VARS2: variants seen among roughly 807,000 people sequenced by gnomAD.
VARS2 encodes the protein valine--tRNA ligase, mitochondrial.
A neutral mutation model predicts 154.1 loss-of-function variants in VARS2; 105 were observed. The observed-to-expected ratio is 0.68, with a 90% confidence interval of 0.58 to 0.80. VARS2 has a LOEUF of 0.80. Among genes scored for constraint, VARS2 ranks in the 30% least tolerant of loss-of-function variants. The pLI, the probability that VARS2 is intolerant of heterozygous loss-of-function variation, is 0.00. For missense variants in VARS2, 1,157 were observed against 1,361.4 expected (o/e 0.85, Z 2.36); for synonymous variants, 483 against 539.5 (o/e 0.90, Z 1.45).
rs950560073 is a variant in VARS2, at chr6:30,921,780, G to A, written c.1735+89G>A. On this transcript the variant is annotated intron_variant, in intron 18 of 29. Transcript: ENST00000676266. The surrounding 1 kb of genome is among the most constrained non-coding windows in gnomAD (Gnocchi z 4.6). ...GGGGAACAGATCCCAAGATACAGAA[G>A]GTAGGGTCAGGAAAGTTGGGAATGG... is the stretch of plus-strand genomic sequence containing the variant. The A allele has an allele frequency of 1.0e-5, 16 of 1,533,356 alleles. No homozygotes were observed. The highest frequency in any genetic ancestry group is 1.4e-5 in the Non-Finnish European group (16 of 1,128,492). 95.0% of individuals were successfully genotyped at this position (1,533,356 alleles called of 1,614,324 possible).
rs770118675 is a variant in VARS2 at position 30,917,008 on chromosome 6, G to C, written c.753+49G>C. The C allele has an allele frequency of 1.9e-6, 3 of 1,613,602 alleles. No homozygotes were observed. Among genetic ancestry groups the C allele is most frequent in the Non-Finnish European group, 2.5e-6 (3 of 1,179,552 alleles). On this transcript the variant is annotated intron_variant, in intron 8 of 29. Transcript: ENST00000676266. The surrounding 1 kb of genome is among the most constrained non-coding windows in gnomAD (Gnocchi z 4.4). ...CTGTGAGTGATGGGCGATGTTTAGG[G>C]ATCTGTGTGGGGCAGGGAGGAAGCA...
In VARS2 at chr6:30,915,647, AGTT is replaced by A. The variant is rs1481416236; in HGVS notation, c.385-98_385-96del. 4 of 1,557,748 alleles carry A rather than the reference AGTT, an allele frequency of 2.6e-6. No homozygotes were observed. In the African/African-American group the frequency reaches 5.4e-5, roughly 21 times the overall value. ...TCCACTCTCCTCTTATTTGCAGGAC[AGTT>A]CTTCCTTGAAGTTCTTTCTGTTCTG... On this transcript the variant is annotated intron_variant, in intron 4 of 29. Coordinates refer to ENST00000676266, the MANE Select transcript of VARS2 (RefSeq NM_020442.6).
At position 30,917,838 on chromosome 6, in the gene VARS2, T is replaced by C. The variant is rs182957702; in HGVS notation, c.985+32T>C. ...ATAGTACTCTGCAGGGTCACCCGTT[T>C]ACCTCCATTTTTCCTGTTTTCTGAA... On this transcript the variant is annotated intron_variant, in intron 10 of 29. Coordinates refer to ENST00000676266, the MANE Select transcript of VARS2 (RefSeq NM_020442.6). This position sits in a 1 kb window ranked among gnomAD's most constrained non-coding sequence, Gnocchi z 4.4. 193 of 1,547,246 alleles carry C rather than the reference T, an allele frequency of 1.2e-4. No individual in the cohort carries two copies. In the African/African-American group the frequency reaches 2.0e-3, roughly 16 times the overall value.
In VARS2 at chr6:30,923,105, G is replaced by A. The variant is rs763376185; in HGVS notation, c.2187G>A (p.Ala729=). Residue 729 remains alanine, a splice_region_variant and synonymous_variant, in exon 24 of 30, where the codon GCG becomes GCA. Transcript: ENST00000676266. ...RFTLCSHGVQ[A]GDLHLSVSEV... is the part of the protein sequence containing the mutation. ...ACTACCTCGATTCTTCCCTTCCAGCGGGCGACTTGCACCTGTCAGTCTCTG... is the reference window on the plus strand; with the variant it reads ...ACTACCTCGATTCTTCCCTTCCAGCAGGCGACTTGCACCTGTCAGTCTCTG... 1.8e-5 allele frequency: 29 copies of A among 1,612,898 alleles called. No individual in the cohort carries two copies. The highest frequency in any genetic ancestry group is 5.5e-5 in the South Asian group (5 of 91,092).
At position 30,917,046 on chromosome 6, in the gene VARS2, C is replaced by T; in HGVS notation, c.754-59C>T. Reference sequence around the variant, plus strand: ...CAGGGAGGAAGCAATGCCTGGGTCCCTGAGCAGGGTGATGGGCTGAGAAGT... The same window carrying T: ...CAGGGAGGAAGCAATGCCTGGGTCCTTGAGCAGGGTGATGGGCTGAGAAGT... On this transcript the variant is annotated intron_variant, in intron 8 of 29. Transcript: ENST00000676266. This position sits in a 1 kb window ranked among gnomAD's most constrained non-coding sequence, Gnocchi z 4.4. 1 of 1,613,858 alleles carries T rather than the reference C, an allele frequency of 6.2e-7. No homozygotes were observed. The highest frequency in any genetic ancestry group is 8.5e-7 in the Non-Finnish European group (1 of 1,179,800).
chr6:30,920,935 C>G lies in VARS2; in HGVS notation c.1480-130C>G. On this transcript the variant is annotated intron_variant, in intron 15 of 29. Transcript: ENST00000676266. This position sits in a 1 kb window ranked among gnomAD's most constrained non-coding sequence, Gnocchi z 4.6. ...GCTGGCTCATATCCTTACTCAAGCCCAGAATCTTGGCAAGAGGCTTGGGAG... is the reference window on the plus strand; with the variant it reads ...GCTGGCTCATATCCTTACTCAAGCCGAGAATCTTGGCAAGAGGCTTGGGAG... The G allele has an allele frequency of 1.7e-6, 2 of 1,208,914 alleles. No individual in the cohort carries two copies. Among genetic ancestry groups the G allele is most frequent in the South Asian group, 3.2e-5 (2 of 63,210 alleles). The allele number at this position is 1,208,914 out of a possible 1,614,324, so 74.9% of individuals were successfully genotyped here. A position where few individuals can be genotyped will look rare whatever the true frequency, so the allele number is the denominator to read the frequency against.
At position 30,916,752 on chromosome 6, in the gene VARS2, A is replaced by G; in HGVS notation, c.672-126A>G. ...TAAGTCCATTTCTATTAGCCTCTAGAGGCTAGATCAATGCCATCCTCACTT... is the reference window on the plus strand; with the variant it reads ...TAAGTCCATTTCTATTAGCCTCTAGGGGCTAGATCAATGCCATCCTCACTT... On this transcript the variant is annotated intron_variant, in intron 7 of 29. Transcript: ENST00000676266. The surrounding 1 kb of genome is among the most constrained non-coding windows in gnomAD (Gnocchi z 4.0). 1 of 892,734 alleles carries G rather than the reference A, an allele frequency of 1.1e-6. No homozygotes were observed. The highest frequency in any genetic ancestry group is 1.8e-6 in the Non-Finnish European group (1 of 546,046). The allele number at this position is 892,734 out of a possible 1,614,324, so 55.3% of individuals were successfully genotyped here. A position where few individuals can be genotyped will look rare whatever the true frequency, so the allele number is the denominator to read the frequency against.
chr6:30,920,590 G>A lies in VARS2; in HGVS notation c.1398-78G>A, dbSNP rs112627525. The A allele has an allele frequency of 3.5e-5, 48 of 1,376,094 alleles. No individual in the cohort carries two copies. In the Middle Eastern group the frequency reaches 7.4e-4, roughly 21 times the overall value. The allele number at this position is 1,376,094 out of a possible 1,614,324, so 85.2% of individuals were successfully genotyped here. On this transcript the variant is annotated intron_variant, in intron 14 of 29. Transcript: ENST00000676266. This position sits in a 1 kb window ranked among gnomAD's most constrained non-coding sequence, Gnocchi z 4.6. ...TTGTATCCTCAGTACCAAGGGCCTGGCATGGCATGGGGTCTTGTGCCCCTG... is the reference window on the plus strand; with the variant it reads ...TTGTATCCTCAGTACCAAGGGCCTGACATGGCATGGGGTCTTGTGCCCCTG...
chr6:30,917,853 T>A lies in VARS2; in HGVS notation c.985+47T>A. ...GTCACCCGTTTACCTCCATTTTTCC[T>A]GTTTTCTGAAGCCCATGTTGGGCTG... On this transcript the variant is annotated intron_variant, in intron 10 of 29. Coordinates refer to ENST00000676266, the MANE Select transcript of VARS2 (RefSeq NM_020442.6). This position sits in a 1 kb window ranked among gnomAD's most constrained non-coding sequence, Gnocchi z 4.4. 1.9e-6 allele frequency: 3 copies of A among 1,538,832 alleles called. No homozygotes were observed. Among genetic ancestry groups the A allele is most frequent in the Non-Finnish European group, 1.8e-6 (2 of 1,135,712 alleles).
Position 30,925,638 on chromosome 6 carries a change from G to C in VARS2, c.2880G>C (p.Leu960=), listed in dbSNP as rs1392377579. Residue 960 remains leucine (L), a synonymous_variant, in exon 28 of 30, where the codon CTG becomes CTC. Coordinates refer to ENST00000676266, the MANE Select transcript of VARS2 (RefSeq NM_020442.6). The part of the protein sequence containing the change: ...GTLGYCGAVG[L]LPPGAAAPSG... ...TGGGCTACTGTGGGGCTGTGGGCCT[G>C]TTACCCCCAGGCGCAGCAGCTCCCT... 1 of 1,611,106 alleles carries C rather than the reference G, an allele frequency of 6.2e-7. No individual in the cohort carries two copies.
Position 30,921,939 on chromosome 6 carries a change from G to T in VARS2, c.1750G>T (p.Asp584Tyr). 1 of 1,613,048 alleles carries T rather than the reference G, an allele frequency of 6.2e-7. No individual in the cohort carries two copies. Among genetic ancestry groups the T allele is most frequent in the South Asian group, 1.1e-5 (1 of 91,088 alleles). ...CTGTTTCCCAGATCCTGATGTCCTA[G>T]ACACATGGTTTTCTTCTGCCCTGTT... Reference protein sequence around the residue: ...LTLERDPDVLDTWFSSALFPF... With the variant: ...LTLERDPDVLYTWFSSALFPF... The change falls in exon 19 of 30, where the codon GAC becomes TAC. Residue 584 changes from aspartate (D) to tyrosine (Y), a missense_variant. By Grantham distance (160) the Asp-to-Tyr change is radical (BLOSUM62 -3). Coordinates refer to ENST00000676266, the MANE Select transcript of VARS2 (RefSeq NM_020442.6). The surrounding 1 kb of genome is among the most constrained non-coding windows in gnomAD (Gnocchi z 4.6).
rs762287075 is a variant in VARS2 at position 30,920,139 on chromosome 6, G to A, written c.1216G>A (p.Ala406Thr). 19 of 1,587,718 alleles carry A rather than the reference G, an allele frequency of 1.2e-5. No homozygotes were observed. Among genetic ancestry groups the A allele is most frequent in the Non-Finnish European group, 1.5e-5 (18 of 1,167,364 alleles). ...CAGTCCTGCCGATGCTGAGATGGGGGCCCGACATGGCTTGAGCCCCTTGAA... is the reference window on the plus strand; with the variant it reads ...CAGTCCTGCCGATGCTGAGATGGGGACCCGACATGGCTTGAGCCCCTTGAA... Reference protein sequence around the residue: ...AHSPADAEMGARHGLSPLNVI... With the variant: ...AHSPADAEMGTRHGLSPLNVI... The change falls in exon 13 of 30, where the codon GCC becomes ACC. Residue 406 changes from alanine to threonine, a missense_variant. Transcript: ENST00000676266. This position sits in a 1 kb window ranked among gnomAD's most constrained non-coding sequence, Gnocchi z 4.6.
chr6:30,923,018 G>A (rs757502032), intron 23 of VARS2, 42 bp downstream of exon 23: 40 of 1,603,630 alleles, frequency 2.5e-5, no homozygotes, highest in South Asian at 6.7e-5. Context: ...AGAGGGCAGC[G>A]GGCACCTGTG....
chr6:30,924,636 G>C (rs1794732336), intron 26 of VARS2, 76 bp downstream of exon 26: 1 of 766,028 alleles, frequency 1.3e-6, no homozygotes, highest in African/African-American at 1.7e-5. Context: ...TGCTGCAGGG[G>C]GCTCATCTGC....
intron 1 of VARS2, 167 bp from the exon 2 acceptor site, chr6:30,914,639 GCTGT>G (rs1794029496): frequency 2.8e-6 from 3 of 1,064,754 alleles, no homozygotes; most frequent in South Asian, 3.5e-5. Flanking sequence ...GCTCCATGGC[GCTGT>G]CTGTCGATAC....
chr6:30,922,523 C>A lies in VARS2; in HGVS notation c.2006C>A (p.Pro669Gln). Residue 669 changes from proline to glutamine, a missense_variant, in exon 21 of 30, where the codon CCA becomes CAA. Transcript: ENST00000676266. ...MSKSLGNVLD[P>Q]RDIISGVEMQ... ...AAGTCCCTGGGGAATGTGCTGGACC[C>A]AAGAGACATCATCAGTGGGGTGGAG... is the stretch of plus-strand genomic sequence containing the variant. The A allele has an allele frequency of 6.3e-7, 1 of 1,578,520 alleles. No individual in the cohort carries two copies. The highest frequency in any genetic ancestry group is 8.6e-7 in the Non-Finnish European group (1 of 1,162,292).
In VARS2 at chr6:30,923,448, G is replaced by A. The variant is rs1426257050; in HGVS notation, c.2409G>A (p.Ser803=). 3.7e-6 allele frequency: 6 copies of A among 1,612,040 alleles called. No individual in the cohort carries two copies. The highest frequency in any genetic ancestry group is 1.3e-5 in the African/African-American group (1 of 74,914). ...GGGGCTTCCTCACCCGAGAGCTCTC[G>A]CTCGTCACTCATGCCCTGCACCACT... The part of the protein sequence containing the change: ...CERGFLTREL[S]LVTHALHHFW... Residue 803 remains serine (S), a synonymous_variant, in exon 25 of 30, where the codon TCG becomes TCA. Coordinates refer to ENST00000676266, the MANE Select transcript of VARS2 (RefSeq NM_020442.6).
intron 27 of VARS2, 26 bp from the exon 28 acceptor site, chr6:30,925,518 G>C: frequency 6.4e-7 from 1 of 1,561,776 alleles, no homozygotes. Flanking sequence ...CTGAGGCCTT[G>C]CCCCTGACAG....
chr6:30,914,795 C>T lies in VARS2; in HGVS notation c.-27-15C>T, dbSNP rs1282454744. 2 of 1,610,508 alleles carry T rather than the reference C, an allele frequency of 1.2e-6. No individual in the cohort carries two copies. The highest frequency in any genetic ancestry group is 8.5e-7 in the Non-Finnish European group (1 of 1,178,308). ...ACCCCCATATCCTAATGTGCTCTCT[C>T]TCTATCCAGAACAGATCTCGGCCCC... On this transcript the variant is annotated splice_polypyrimidine_tract_variant and intron_variant, in intron 1 of 29. Transcript: ENST00000676266.
Sources: allele counts gnomAD v4.1 joint callset, GRCh38; gene constraint gnomAD v4.1.1; non-coding constraint Gnocchi (gnomAD v3.1); transcripts MANE v1.5; gene names NCBI Gene and HGNC (gene_info 2026-07-23, HGNC 2026-07-21).